The following GALNT10 variants were observed in gnomAD, a reference collection of about 807,000 sequenced individuals.
GALNT10 encodes GalNAc transferase 10.
A neutral mutation model predicts 75.0 loss-of-function variants in GALNT10; 41 were observed. The ratio of observed to expected loss-of-function variants is 0.55; its 90% CI spans 0.43 to 0.71. The LOEUF (loss-of-function observed/expected upper bound fraction) is 0.71. GALNT10 is among the 30% of genes least tolerant of loss of function. GALNT10 has a pLI of 0.00. For synonymous variants in GALNT10, 302 were observed against 313.0 expected (o/e 0.96, Z 0.37); for missense variants, 727 against 818.5 (o/e 0.89, Z 1.36).
chr5:154,381,209 G>C (rs947908327), intron 6 of GALNT10, among the ~76,000 whole-genome samples: 2 of 152,192 alleles, frequency 1.3e-5, no homozygotes, highest in Non-Finnish European at 2.9e-5. Flanking sequence ...AAGTTTGCAG[G>C]CTAGGGGAGG....
chr5:154,235,447 A>T (rs1753230351), intron 1 of GALNT10, among the ~76,000 whole-genome samples: 2 of 152,172 alleles, frequency 1.3e-5, no homozygotes, highest in African/African-American at 4.8e-5. Flanking sequence ...AGCTGAACAG[A>T]GACTTGTAGC....
At chr5:154,263,574 A>G (rs1445073857) in intron 1 of GALNT10, among the ~76,000 whole-genome samples, 2 of 152,166 alleles carry the variant, frequency 1.3e-5, no homozygotes, top group Non-Finnish European at 1.5e-5. Context: ...TAGCTTATAA[A>G]CAACAGAAAT....
At chr5:154,378,882 C>T (rs149064370) in intron 5 of GALNT10, among the ~76,000 whole-genome samples, 7 of 152,252 alleles carry the variant, frequency 4.6e-5, no homozygotes, top group African/African-American at 1.2e-4. Context: ...ACATGAAGTC[C>T]GCTGAACGGC....
rs185360917 is a variant in GALNT10, at chr5:154,389,362, A to G, written c.1056+2932A>G. The stretch of plus-strand genomic sequence containing the variant: ...GTTATCATGTTAAAATACTACATAT[A>G]ATAAAATAACTAAATTCAAGACCAG... On this transcript the variant is annotated intron_variant, in intron 7 of 11. Coordinates refer to ENST00000297107, the MANE Select transcript of GALNT10 (RefSeq NM_198321.4). 1.8e-3 allele frequency: 280 copies of G among 152,054 alleles called. 1 individual carries two copies. Among genetic ancestry groups the G allele is most frequent in the African/African-American group, 6.3e-3 (262 of 41,522 alleles). The allele number at this position is 152,054 out of a possible 1,614,324, so 9.4% of individuals were successfully genotyped here.
chr5:154,386,281 C>T (rs1219939997), intron 6 of GALNT10, 32 bp from the exon 7 acceptor site: 1 of 1,492,474 alleles, frequency 6.7e-7, no homozygotes, highest in South Asian at 1.1e-5. Flanking sequence ...AGGACATCTG[C>T]ACCTTCACAC....
At chr5:154,297,741 A>C (rs11750591) in intron 2 of GALNT10, among the ~76,000 whole-genome samples, 200 bp from the exon 3 acceptor site, 82 of 152,362 alleles carry the variant, frequency 5.4e-4, no homozygotes, top group Non-Finnish European at 6.6e-4. Context: ...CTGTGATTAC[A>C]TGAGAACAAG....
At chr5:154,306,907 A>C (rs1430038018) in intron 3 of GALNT10, among the ~76,000 whole-genome samples, 2 of 152,144 alleles carry the variant, frequency 1.3e-5, no homozygotes, top group Admixed American at 6.5e-5. Flanking sequence ...TTTATAGAAC[A>C]CTCCACCAAT....
intron 7 of GALNT10, among the ~76,000 whole-genome samples, chr5:154,396,322 G>T (rs1271878135): frequency 6.6e-6 from 1 of 152,368 alleles, no homozygotes; most frequent in Non-Finnish European, 1.5e-5. Context: ...ATTGCGGCCA[G>T]TTGTCAGCAG....
At chr5:154,324,059 T>C (rs1287065978) in intron 3 of GALNT10, among the ~76,000 whole-genome samples, 2 of 152,244 alleles carry the variant, frequency 1.3e-5, no homozygotes, top group Admixed American at 1.3e-4. Flanking sequence ...GGGCAAGCTC[T>C]GGGGTGAGTA....
intron 1 of GALNT10, among the ~76,000 whole-genome samples, chr5:154,205,194 G>A (rs745644664): frequency 6.6e-6 from 1 of 152,192 alleles, no homozygotes; most frequent in Non-Finnish European, 1.5e-5. Flanking sequence ...CCTCAAAAGT[G>A]TTAGCTCCCT....
intron 6 of GALNT10, 115 bp from the exon 7 acceptor site, chr5:154,386,198 T>G (rs1582003730): frequency 1.4e-6 from 1 of 723,578 alleles, no homozygotes; most frequent in Admixed American, 2.4e-5. Flanking sequence ...ACACTTGGAC[T>G]GTGTTCAGGG....
At chr5:154,233,338 G>C (rs1357239424) in intron 1 of GALNT10, among the ~76,000 whole-genome samples, 3 of 152,158 alleles carry the variant, frequency 2.0e-5, no homozygotes, top group African/African-American at 7.2e-5. Context: ...GAGTGCGGCA[G>C]AAATGGTATT....
chr5:154,224,778 C>CTT (rs549615789), intron 1 of GALNT10, among the ~76,000 whole-genome samples: 4,924 of 117,544 alleles, frequency 0.042, 323 homozygotes, highest in East Asian at 0.18. Flanking sequence ...AAGCTCACTT[C>CTT]TTTTTTTTTT....
At chr5:154,309,709 A>G (rs1277563009) in intron 3 of GALNT10, among the ~76,000 whole-genome samples, 1 of 152,242 alleles carries the variant, frequency 6.6e-6, no homozygotes, top group East Asian at 1.9e-4. Context: ...TGGAGTTGCC[A>G]TCTGCAGGAA....
intron 4 of GALNT10, among the ~76,000 whole-genome samples, chr5:154,348,610 AC>A (rs1412918480): frequency 3.3e-5 from 5 of 152,206 alleles, no homozygotes; most frequent in Non-Finnish European, 7.3e-5. Context: ...TGGTATGAGA[AC>A]AAGTAGACAA....
intron 1 of GALNT10, among the ~76,000 whole-genome samples, chr5:154,233,823 C>T (rs1753202836): frequency 6.6e-6 from 1 of 152,144 alleles, no homozygotes. Flanking sequence ...GACAGAAGTG[C>T]TTTTGGTGGG....
chr5:154,200,971 G>T (rs1775019681), intron 1 of GALNT10, among the ~76,000 whole-genome samples: 1 of 151,668 alleles, frequency 6.6e-6, no homozygotes, highest in Non-Finnish European at 1.5e-5. Flanking sequence ...ACTAATTTCT[G>T]TTTTTTTTGT....
intron 3 of GALNT10, among the ~76,000 whole-genome samples, chr5:154,313,306 G>GAA (rs148149095): frequency 7.5e-6 from 1 of 133,274 alleles, no homozygotes. Context: ...CGAGACTCTT[G>GAA]AAAAAAAAAA....
intron 1 of GALNT10, among the ~76,000 whole-genome samples, chr5:154,286,829 G>A (rs980343210): frequency 6.6e-6 from 1 of 152,228 alleles, no homozygotes; most frequent in African/African-American, 2.4e-5. Flanking sequence ...CTTGCCTGAC[G>A]TGGGCCCAGC....
Sources: allele counts gnomAD v4.1 joint callset (sites outside exome capture counted in the v4.1 genomes callset), GRCh38; gene constraint gnomAD v4.1.1; transcripts MANE v1.5; gene names NCBI Gene and HGNC (gene_info 2026-07-23, HGNC 2026-07-21).